Variants in LRRC7 observed in about 807,000 individuals in gnomAD.
LRRC7 encodes leucine rich repeat containing 7.
In LRRC7, 23 loss-of-function variants were observed where a neutral mutation model predicts 175.7. The ratio of observed to expected loss-of-function variants is 0.13; its 90% CI spans 0.09 to 0.19. The LOEUF is 0.19. Among genes scored for constraint, LRRC7 ranks in the 10% least tolerant of loss-of-function variants. LRRC7 has a pLI of 1.00. For missense variants in LRRC7, 1,354 were observed against 1,904.7 expected (o/e 0.71, Z 5.38); for synonymous variants, 685 against 680.9 (o/e 1.01, Z -0.09).
At chr1:69,632,113 T>G (rs1652603967) in intron 1 of LRRC7, among the ~76,000 whole-genome samples, 1 of 152,136 alleles carries the variant, frequency 6.6e-6, no homozygotes, top group African/African-American at 2.4e-5. Flanking sequence ...CTCTATAACC[T>G]TAGTGACTTT....
intron 2 of LRRC7, among the ~76,000 whole-genome samples, chr1:69,719,780 A>G (rs1557645772): frequency 6.6e-6 from 1 of 151,702 alleles, no homozygotes; most frequent in East Asian, 1.9e-4. Context: ...TGAAGAATGT[A>G]AAAATCGCTT....
rs1352238029 is a variant in LRRC7 at position 70,139,018 on chromosome 1, G to A, written c.*17131G>A. The A allele has an allele frequency of 6.6e-6, 1 of 152,130 alleles. No homozygotes were observed. Among genetic ancestry groups the A allele is most frequent in the African/African-American group, 2.4e-5 (1 of 41,434 alleles). The allele number at this position is 152,130 out of a possible 1,614,324, so 9.4% of individuals were successfully genotyped here. ...TCTGCCTACCTGCCTTTAGGAAAAAGCAATGCTTTATGTAGCTTCAATTAG... is the reference window on the plus strand; with the variant it reads ...TCTGCCTACCTGCCTTTAGGAAAAAACAATGCTTTATGTAGCTTCAATTAG... On this transcript the variant is annotated 3_prime_UTR_variant, in exon 27 of 27. Coordinates refer to ENST00000651989, the MANE Select transcript of LRRC7 (RefSeq NM_001370785.2).
At chr1:69,728,491 CTCCT>C (rs1465695692) in intron 2 of LRRC7, among the ~76,000 whole-genome samples, 3 of 152,294 alleles carry the variant, frequency 2.0e-5, no homozygotes, top group South Asian at 2.1e-4. Context: ...GTGCAGTGTA[CTCCT>C]TGTGAACAAG....
intron 2 of LRRC7, among the ~76,000 whole-genome samples, chr1:69,691,113 T>C (rs1243430191): frequency 1.3e-5 from 2 of 152,116 alleles, no homozygotes; most frequent in Admixed American, 6.6e-5. Flanking sequence ...TCTGAGGTAA[T>C]AGGCCCCAAA....
At chr1:70,018,503 T>C (rs186713335) in intron 14 of LRRC7, among the ~76,000 whole-genome samples, 91 of 152,188 alleles carry the variant, frequency 6.0e-4, no homozygotes, top group Middle Eastern at 3.4e-3. Context: ...ATAAGTTTTG[T>C]AAAAGGATAT....
chr1:69,745,395 T>C (rs986306822), intron 2 of LRRC7, among the ~76,000 whole-genome samples: 11 of 152,060 alleles, frequency 7.2e-5, no homozygotes, highest in Middle Eastern at 3.4e-3. Flanking sequence ...GGAGTATACA[T>C]TGGTAAAAAT....
At chr1:70,037,513 C>T (rs570684847) in intron 20 of LRRC7, among the ~76,000 whole-genome samples, 3 of 152,164 alleles carry the variant, frequency 2.0e-5, no homozygotes, top group Admixed American at 6.5e-5. Context: ...AATATGCTCC[C>T]TATACAATAG....
intron 7 of LRRC7, among the ~76,000 whole-genome samples, chr1:69,889,181 G>A (rs938746275): frequency 1.3e-5 from 2 of 152,180 alleles, no homozygotes; most frequent in African/African-American, 2.4e-5. Flanking sequence ...GTTAGTGACT[G>A]CTGACTGATC....
intron 7 of LRRC7, among the ~76,000 whole-genome samples, chr1:69,901,421 A>G (rs1646131878): frequency 6.6e-6 from 1 of 151,028 alleles, no homozygotes; most frequent in Non-Finnish European, 1.5e-5. Context: ...GAGGCAAGTT[A>G]TTTCTCCTTG....
chr1:69,845,862 G>A (rs1416212941), intron 7 of LRRC7, among the ~76,000 whole-genome samples: 1 of 152,006 alleles, frequency 6.6e-6, no homozygotes, highest in African/African-American at 2.4e-5. Context: ...CTGTGTGATT[G>A]TGTAATCATA....
intron 5 of LRRC7, among the ~76,000 whole-genome samples, chr1:69,833,076 G>A (rs1680710005): frequency 6.7e-6 from 1 of 149,358 alleles, no homozygotes; most frequent in South Asian, 2.2e-4. Context: ...TTGCACTCTA[G>A]CCTGGGAGAC....
intron 11 of LRRC7, among the ~76,000 whole-genome samples, chr1:70,001,530 T>C (rs1236813969): frequency 6.6e-6 from 1 of 152,222 alleles, no homozygotes; most frequent in Admixed American, 6.5e-5. Context: ...ATTTATGTTT[T>C]TAATGAAACA....
At chr1:69,833,408 A>G (rs1364206344) in intron 5 of LRRC7, among the ~76,000 whole-genome samples, 3 of 152,098 alleles carry the variant, frequency 2.0e-5, no homozygotes, top group African/African-American at 7.2e-5. Context: ...GGCAAATAGG[A>G]AGATGTAGAC....
At chr1:69,833,744 C>T (rs1680803949) in intron 5 of LRRC7, among the ~76,000 whole-genome samples, 1 of 151,962 alleles carries the variant, frequency 6.6e-6, no homozygotes, top group Non-Finnish European at 1.5e-5. Flanking sequence ...TAAAATGAGG[C>T]TAATGGGATT....
rs148638755 is a variant in LRRC7, at chr1:69,964,550, T to G, written c.712-15829T>G. Among the ~76,000 whole-genome samples the G allele has an allele frequency of 1.9e-3, 288 of 152,316 alleles. 1 individual carries two copies. The highest frequency in any genetic ancestry group is 6.0e-3 in the African/African-American group (251 of 41,568). ...AGTAAGTACCCAATAGAAGTTAGATTTTTTTGTTGTTATTGTTTTACTCTA... is the reference window on the plus strand; with the variant it reads ...AGTAAGTACCCAATAGAAGTTAGATGTTTTTGTTGTTATTGTTTTACTCTA... On this transcript the variant is annotated intron_variant, in intron 8 of 26. Coordinates refer to ENST00000651989, the MANE Select transcript of LRRC7 (RefSeq NM_001370785.2).
intron 4 of LRRC7, among the ~76,000 whole-genome samples, chr1:69,794,366 G>T (rs1675469912): frequency 6.6e-6 from 1 of 152,322 alleles, no homozygotes; most frequent in South Asian, 2.1e-4. Context: ...ACACCAACTT[G>T]ACTTGCCACT....
chr1:69,687,031 C>T (rs1319352421), intron 2 of LRRC7, among the ~76,000 whole-genome samples: 3 of 152,062 alleles, frequency 2.0e-5, no homozygotes, highest in Non-Finnish European at 4.4e-5. Context: ...ATCAAGAGGA[C>T]TTAATAATCA....
chr1:69,604,450 G>A (rs1474789384), intron 1 of LRRC7, among the ~76,000 whole-genome samples: 2 of 152,126 alleles, frequency 1.3e-5, no homozygotes, highest in African/African-American at 4.8e-5. Flanking sequence ...ATTGGTGAGA[G>A]GCAGATGAAT....
chr1:69,871,872 T>C (rs959830396), intron 7 of LRRC7, among the ~76,000 whole-genome samples: 6 of 152,030 alleles, frequency 3.9e-5, no homozygotes, highest in African/African-American at 1.4e-4. Context: ...GTACCTATTA[T>C]ATACATGAAA....
Sources: gnomAD v4.1 joint callset for allele counts (sites outside exome capture counted in the v4.1 genomes callset) on GRCh38, gnomAD v4.1.1 for gene constraint, MANE v1.5 for transcripts, NCBI Gene and HGNC (gene_info 2026-07-23, HGNC 2026-07-21) for gene names.